DCHS2: variants seen among roughly 807,000 people sequenced by gnomAD.
The protein encoded by DCHS2 is dachsous cadherin-related 2, also known as protocadherin-23.
Under a neutral mutation model 182.4 loss-of-function variants are expected in DCHS2, and 142 were observed. The ratio of observed to expected loss-of-function variants is 0.78; its 90% CI spans 0.68 to 0.89. The LOEUF (loss-of-function observed/expected upper bound fraction) is 0.89, where lower values mean the gene tolerates loss of function less well. Ranked by LOEUF, DCHS2 falls within the 40% of genes least tolerant of loss-of-function variation. DCHS2 has a pLI of 0.00. For synonymous variants in DCHS2, 1,740 were observed against 1,663.3 expected (o/e 1.05, Z -1.12); for missense variants, 4,319 against 4,198.6 (o/e 1.03, Z -0.79).
At chr4:154,445,055 T>A (rs533559677) in intron 1 of DCHS2, among the ~76,000 whole-genome samples, 1 of 152,182 alleles carries the variant, frequency 6.6e-6, no homozygotes, top group Non-Finnish European at 1.5e-5. Flanking sequence ...CTGACCACCT[T>A]ATCTGAAAGA....
In DCHS2 at chr4:154,236,162, CA is replaced by C. The variant is rs1261827274; in HGVS notation, c.8489del (p.Leu2830Ter). ...YDHDLFLIDP[L>X]TGDIHAKQIL... ...TTTGCTTAGCATGAATATCCCCTGT[CA>C]AAGGGTCAATGAGGAAGAGATCATG... is the stretch of plus-strand genomic sequence containing the variant. On this transcript the variant is annotated frameshift_variant, in exon 20 of 20. Transcript: ENST00000357232. LOFTEE classifies it low-confidence loss of function (END_TRUNC). 1 of 1,613,622 alleles carries C rather than the reference CA, an allele frequency of 6.2e-7. No homozygotes were observed. Among genetic ancestry groups the C allele is most frequent in the Non-Finnish European group, 8.5e-7 (1 of 1,179,952 alleles).
intron 2 of DCHS2, among the ~76,000 whole-genome samples, chr4:154,367,212 GC>G (rs1730424626): frequency 6.6e-6 from 1 of 152,184 alleles, no homozygotes; most frequent in African/African-American, 2.4e-5. Context: ...TCACAGGAGG[GC>G]TTTGAGCACA....
intron 16 of DCHS2, among the ~76,000 whole-genome samples, chr4:154,255,295 C>T (rs78710545): frequency 0.045 from 6,840 of 152,152 alleles, 486 homozygotes; most frequent in African/African-American, 0.16. Flanking sequence ...TAGAAGGGAC[C>T]TTAAAGTTTT....
chr4:154,399,016 G>A (rs962773886), intron 1 of DCHS2, among the ~76,000 whole-genome samples: 1 of 152,150 alleles, frequency 6.6e-6, no homozygotes, highest in Non-Finnish European at 1.5e-5. Context: ...CGATCAGCAC[G>A]AGCCCTCCGT....
chr4:154,300,510 C>CAA (rs61371659), intron 12 of DCHS2, among the ~76,000 whole-genome samples: 32,389 of 107,772 alleles, frequency 0.3, 5,212 homozygotes, highest in East Asian at 0.46. Context: ...CTCATCTCTA[C>CAA]AAAAAAAAAA....
chr4:154,465,601 G>A (rs1387460627), intron 1 of DCHS2, among the ~76,000 whole-genome samples: 1 of 151,850 alleles, frequency 6.6e-6, no homozygotes, highest in Admixed American at 6.6e-5. Flanking sequence ...CCTATGAGGC[G>A]GAGGCTGCAG....
At chr4:154,426,788 A>AAAAATAAAAATT (rs1277910880) in intron 1 of DCHS2, among the ~76,000 whole-genome samples, 2 of 151,740 alleles carry the variant, frequency 1.3e-5, no homozygotes, top group East Asian at 3.9e-4. Context: ...AAATAAACTT[A>AAAAATAAAAATT]AAAATAAAAT....
chr4:154,249,545 G>A (rs553761426), intron 16 of DCHS2, among the ~76,000 whole-genome samples: 4 of 152,126 alleles, frequency 2.6e-5, no homozygotes, highest in Non-Finnish European at 5.9e-5. Context: ...GAGTGCCATT[G>A]GACCCAGCAA....
intron 1 of DCHS2, among the ~76,000 whole-genome samples, chr4:154,414,787 G>A (rs932257125): frequency 6.6e-6 from 1 of 152,154 alleles, no homozygotes; most frequent in African/African-American, 2.4e-5. Flanking sequence ...AGGAAAGACT[G>A]AAAATGAGAC....
In DCHS2 at chr4:154,489,789, C is replaced by T. The variant is rs1050652528; in HGVS notation, c.1567G>A (p.Glu523Lys). The T allele has an allele frequency of 1.9e-6, 3 of 1,551,500 alleles. No individual in the cohort carries two copies. The highest frequency in any genetic ancestry group is 1.4e-5 in the African/African-American group (1 of 73,048). The change falls in exon 1 of 20, where the codon GAG becomes AAG. Residue 523 changes from glutamate (E) to lysine (K), a missense_variant. Glu to Lys is a moderately conservative substitution (Grantham distance 56, BLOSUM62 1). Coordinates refer to ENST00000357232, the MANE Select transcript of DCHS2 (RefSeq NM_001358235.2). ...DAGSPPLSTE[E>K]TLLLRVADLN... is the part of the protein sequence containing the mutation. ...TCAGCGACCCGGAGTAGCAGCGTCT[C>T]CTCCGTGCTCAGCGGCGGGGACCCC...
chr4:154,415,012 C>G (rs1258842000), intron 1 of DCHS2, among the ~76,000 whole-genome samples: 1 of 152,136 alleles, frequency 6.6e-6, no homozygotes, highest in Non-Finnish European at 1.5e-5. Flanking sequence ...GTGGGTATGG[C>G]AAAAGGTTCA....
chr4:154,294,155 ATG>A (rs1428299059), intron 13 of DCHS2, among the ~76,000 whole-genome samples: 6 of 152,206 alleles, frequency 3.9e-5, no homozygotes, highest in Non-Finnish European at 8.8e-5. Flanking sequence ...GGTAATCATG[ATG>A]GTGAAATGCT....
rs1728755840 is a variant in DCHS2 at position 154,490,205 on chromosome 4, TCCA to T, written c.1148_1150del (p.Val383del). 1.9e-6 allele frequency: 3 copies of T among 1,549,528 alleles called. No individual in the cohort carries two copies. The highest frequency in any genetic ancestry group is 2.6e-6 in the Non-Finnish European group (3 of 1,146,752). On this transcript the variant is annotated inframe_deletion, in exon 1 of 20. Coordinates refer to ENST00000357232, the MANE Select transcript of DCHS2 (RefSeq NM_001358235.2). ...AGGCTCGGCGCCTCCATCGCGGGCCTCCACCACCAACTGGTGCCAGGCCTGTGC... is the reference window on the plus strand; with the variant it reads ...AGGCTCGGCGCCTCCATCGCGGGCCTCCACCAACTGGTGCCAGGCCTGTGC...
At chr4:154,367,257 G>A (rs1427943265) in intron 2 of DCHS2, among the ~76,000 whole-genome samples, 3 of 152,142 alleles carry the variant, frequency 2.0e-5, no homozygotes, top group South Asian at 4.2e-4. Context: ...TGTTAACACT[G>A]CTCTAGCTGC....
At chr4:154,427,639 A>C (rs1733385701) in intron 1 of DCHS2, among the ~76,000 whole-genome samples, 1 of 152,196 alleles carries the variant, frequency 6.6e-6, no homozygotes, top group Non-Finnish European at 1.5e-5. Flanking sequence ...AAGATGGGAA[A>C]ATTTAGTCTT....
At chr4:154,249,552 G>A (rs138278126) in intron 16 of DCHS2, among the ~76,000 whole-genome samples, 33 of 152,244 alleles carry the variant, frequency 2.2e-4, no homozygotes, top group African/African-American at 7.7e-4. Context: ...ATTGGACCCA[G>A]CAATCCTATT....
chr4:154,374,229 G>A, intron 2 of DCHS2: 2 of 401,252 alleles, frequency 5.0e-6, no homozygotes, highest in South Asian at 4.6e-5. Context: ...TCTGTGTCCT[G>A]CATCTGGCCA....
intron 14 of DCHS2, among the ~76,000 whole-genome samples, chr4:154,268,671 G>T (rs1164116889): frequency 6.6e-6 from 1 of 151,898 alleles, no homozygotes; most frequent in Admixed American, 6.6e-5. Flanking sequence ...CATGTGTATG[G>T]GTTTTTATTT....
Position 154,255,513 on chromosome 4 carries a change from A to T in DCHS2, c.6941+6T>A. 1 of 1,612,988 alleles carries T rather than the reference A, an allele frequency of 6.2e-7. No homozygotes were observed. The highest frequency in any genetic ancestry group is 8.5e-7 in the Non-Finnish European group (1 of 1,179,472). ...TGGAGCCAATGGATCTGAACCCTGG[A>T]CCAACCTGTAGGAGCTGGTGAGCTC... On this transcript the variant is annotated splice_donor_region_variant and intron_variant, in intron 16 of 19. Transcript: ENST00000357232.
Sources: allele counts gnomAD v4.1 joint callset (sites outside exome capture counted in the v4.1 genomes callset), GRCh38; gene constraint gnomAD v4.1.1; transcripts MANE v1.5; gene names NCBI Gene and HGNC (gene_info 2026-07-23, HGNC 2026-07-21).